The following SPAG16 variants were observed in gnomAD, a reference collection of about 807,000 sequenced individuals.
SPAG16 encodes sperm associated antigen 16.
SPAG16 carries 86 observed loss-of-function variants against 80.4 expected under a neutral mutation model. The observed-to-expected ratio is 1.07, with a 90% CI of 0.90 to 1.28. SPAG16 has a LOEUF of 1.28. SPAG16 is among the 50% of genes most tolerant of loss of function. The probability of loss-of-function intolerance (pLI) is 0.00; values close to 1 mark genes in which losing one functional copy is unlikely to be tolerated. For synonymous variants in SPAG16, 294 were observed against 265.9 expected (o/e 1.11, Z -1.03); for missense variants, 870 against 765.3 (o/e 1.14, Z -1.61).
chr2:214,075,929 T>C (rs2125242836), intron 13 of SPAG16, among the ~76,000 whole-genome samples: 1 of 152,264 alleles, frequency 6.6e-6, no homozygotes, highest in South Asian at 2.1e-4. Context: ...TCTGCCTTGA[T>C]TACAACTAAT....
chr2:214,356,028 G>A (rs1320332537), intron 15 of SPAG16, among the ~76,000 whole-genome samples: 2 of 117,572 alleles, frequency 1.7e-5, no homozygotes, highest in Non-Finnish European at 3.4e-5. Context: ...GTTGTGGGGT[G>A]GGGGGAGGGG....
At chr2:213,454,221 AAAAATT>A (rs1400812474) in intron 9 of SPAG16, among the ~76,000 whole-genome samples, 1 of 152,200 alleles carries the variant, frequency 6.6e-6, no homozygotes, top group African/African-American at 2.4e-5. Flanking sequence ...TAGAAAACAA[AAAAATT>A]ATGTATTAAT....
intron 8 of SPAG16, among the ~76,000 whole-genome samples, chr2:213,371,596 G>T (rs1463604841): frequency 6.6e-6 from 1 of 151,506 alleles, no homozygotes. Flanking sequence ...TTTATTTTCG[G>T]CAGAAGTTGG....
intron 10 of SPAG16, among the ~76,000 whole-genome samples, chr2:213,717,099 T>G (rs2066267933): frequency 6.6e-6 from 1 of 152,106 alleles, no homozygotes; most frequent in African/African-American, 2.4e-5. Context: ...CATAGAGAGC[T>G]TCTTTCTGCT....
At chr2:213,676,391 T>G (rs1313255910) in intron 10 of SPAG16, among the ~76,000 whole-genome samples, 2 of 150,604 alleles carry the variant, frequency 1.3e-5, no homozygotes, top group Non-Finnish European at 3.0e-5. Context: ...TCCTGCCTAA[T>G]TGCCCTGGCC....
At chr2:214,300,655 T>A (rs577668019) in intron 15 of SPAG16, among the ~76,000 whole-genome samples, 1 of 152,230 alleles carries the variant, frequency 6.6e-6, no homozygotes, top group East Asian at 1.9e-4. Flanking sequence ...CAATTTAACA[T>A]GATTATCATA....
chr2:213,914,303 A>C (rs1208788228), intron 11 of SPAG16, among the ~76,000 whole-genome samples: 1 of 152,174 alleles, frequency 6.6e-6, no homozygotes, highest in Non-Finnish European at 1.5e-5. Context: ...AAAACAAAAA[A>C]ATTAATGAAA....
At chr2:214,220,903 T>C (rs2058549562) in intron 15 of SPAG16, among the ~76,000 whole-genome samples, 1 of 152,306 alleles carries the variant, frequency 6.6e-6, no homozygotes, top group South Asian at 2.1e-4. Flanking sequence ...TTTTTCCATA[T>C]GGTTAAAAGA....
intron 15 of SPAG16, among the ~76,000 whole-genome samples, chr2:214,328,786 A>G (rs1172210504): frequency 6.6e-6 from 1 of 152,174 alleles, no homozygotes; most frequent in Non-Finnish European, 1.5e-5. Context: ...ATTCTCTTCT[A>G]ACTTCTTCAT....
At chr2:213,899,831 A>G (rs1418266978) in intron 11 of SPAG16, among the ~76,000 whole-genome samples, 1 of 151,942 alleles carries the variant, frequency 6.6e-6, no homozygotes. Flanking sequence ...GTTTTTTTCT[A>G]TTTTTACCTT....
chr2:213,917,244 G>A (rs907846160), intron 11 of SPAG16, among the ~76,000 whole-genome samples: 2 of 152,056 alleles, frequency 1.3e-5, no homozygotes, highest in African/African-American at 4.8e-5. Flanking sequence ...TCTTAAGATT[G>A]CCTTAGCTAT....
intron 15 of SPAG16, among the ~76,000 whole-genome samples, chr2:214,211,736 A>G (rs2125749771): frequency 6.6e-6 from 1 of 152,266 alleles, no homozygotes; most frequent in East Asian, 1.9e-4. Context: ...GATCATTACT[A>G]AGAATTTTTC....
chr2:213,347,833 G>T (rs543438299), intron 6 of SPAG16, among the ~76,000 whole-genome samples: 1 of 152,122 alleles, frequency 6.6e-6, no homozygotes, highest in African/African-American at 2.4e-5. Flanking sequence ...GAATAAGTAC[G>T]GTGTGGTGCT....
At chr2:214,165,088 A>G (rs2056593189) in intron 15 of SPAG16, among the ~76,000 whole-genome samples, 1 of 152,122 alleles carries the variant, frequency 6.6e-6, no homozygotes, top group African/African-American at 2.4e-5. Flanking sequence ...TGTTGATAAC[A>G]TTTAGAAGTG....
At chr2:214,330,939 GT>G (rs1196630084) in intron 15 of SPAG16, among the ~76,000 whole-genome samples, 5 of 152,128 alleles carry the variant, frequency 3.3e-5, no homozygotes, top group African/African-American at 1.2e-4. Flanking sequence ...AAAGATTTTG[GT>G]TAGTCTTTGT....
chr2:213,898,026 T>G (rs1473545159), intron 11 of SPAG16, among the ~76,000 whole-genome samples: 1 of 152,172 alleles, frequency 6.6e-6, no homozygotes, highest in Non-Finnish European at 1.5e-5. Flanking sequence ...TACCCACAAC[T>G]GTGTTGTAGG....
At chr2:213,836,081 T>C (rs1360015261) in intron 10 of SPAG16, among the ~76,000 whole-genome samples, 5 of 152,066 alleles carry the variant, frequency 3.3e-5, no homozygotes, top group Non-Finnish European at 7.4e-5. Flanking sequence ...TCACTAACCG[T>C]ATCTAGAAGC....
At chr2:213,393,073 A>C (rs1289858569) in intron 9 of SPAG16, among the ~76,000 whole-genome samples, 1 of 152,156 alleles carries the variant, frequency 6.6e-6, no homozygotes, top group Non-Finnish European at 1.5e-5. Flanking sequence ...AGAGAAGCAA[A>C]TGTGAATCAG....
At chr2:213,968,990 T>C (rs953112382) in intron 12 of SPAG16, among the ~76,000 whole-genome samples, 38 of 152,184 alleles carry the variant, frequency 2.5e-4, no homozygotes, top group African/African-American at 7.5e-4. Flanking sequence ...TGTACAAGTA[T>C]TATAGACAGC....
Sources: gnomAD v4.1 joint callset for allele counts (sites outside exome capture counted in the v4.1 genomes callset) on GRCh38, gnomAD v4.1.1 for gene constraint, MANE v1.5 for transcripts, NCBI Gene and HGNC (gene_info 2026-07-23, HGNC 2026-07-21) for gene names.